Variants in COL4A3 observed in about 807,000 individuals in gnomAD.
The protein encoded by COL4A3 is collagen alpha-3(IV) chain.
Under a neutral mutation model 217.4 loss-of-function variants are expected in COL4A3, and 135 were observed. The observed-to-expected ratio is 0.62, with a 90% CI of 0.54 to 0.72. The LOEUF (loss-of-function observed/expected upper bound fraction) is 0.72, where lower values mean the gene tolerates loss of function less well. Ranked by LOEUF, COL4A3 falls within the 30% of genes least tolerant of loss-of-function variation. The pLI is 0.00. For synonymous variants in COL4A3, 690 were observed against 736.3 expected (o/e 0.94, Z 1.02); for missense variants, 1,868 against 2,119.9 (o/e 0.88, Z 2.33).
Position 227,257,639 on chromosome 2 carries a change from G to C in COL4A3, c.1024G>C (p.Gly342Arg). The C allele has an allele frequency of 6.2e-7, 1 of 1,613,556 alleles. No individual in the cohort carries two copies. Among genetic ancestry groups the C allele is most frequent in the Non-Finnish European group, 8.5e-7 (1 of 1,179,526 alleles). ...KGDIGPPGFRGPTEYYDTYQE... is the reference protein window; with the variant it reads ...KGDIGPPGFRRPTEYYDTYQE... ...GGACATTGGCCCTCCAGGATTTCGT[G>C]GTCCAGTAAGTGTGATTAAAGACAA... Residue 342 changes from glycine to arginine, a missense_variant, in exon 18 of 52, where the codon GGT (glycine) becomes CGT (arginine). This residue lies in a region of COL4A3 where 1,503 missense variants were observed against 1,786.1 expected (regional missense o/e 0.84). Coordinates refer to ENST00000396578, the MANE Select transcript of COL4A3 (RefSeq NM_000091.5).
At chr2:227,192,235 CT>C (rs146563477) in intron 1 of COL4A3, among the ~76,000 whole-genome samples, 7,172 of 152,226 alleles carry the variant, frequency 0.047, 222 homozygotes, top group South Asian at 0.12. Flanking sequence ...TCTTGAACAG[CT>C]TGTCTAAACC....
At chr2:227,241,072 T>G (rs2068991041) in intron 3 of COL4A3, among the ~76,000 whole-genome samples, 1 of 152,212 alleles carries the variant, frequency 6.6e-6, no homozygotes, top group Non-Finnish European at 1.5e-5. Context: ...TCTGGTCCCT[T>G]AAACATCCCG....
chr2:227,301,213 G>T (rs1443189176), intron 43 of COL4A3, among the ~76,000 whole-genome samples: 1 of 152,150 alleles, frequency 6.6e-6, no homozygotes, highest in Non-Finnish European at 1.5e-5. Flanking sequence ...ATCTATCCTT[G>T]TTGCTCTATG....
At chr2:227,165,972 C>T (rs919038951) in intron 1 of COL4A3, among the ~76,000 whole-genome samples, 2 of 152,170 alleles carry the variant, frequency 1.3e-5, no homozygotes, top group Admixed American at 6.5e-5. Flanking sequence ...TACACACACA[C>T]ATATGAACCC....
chr2:227,227,197 T>A (rs72977846), intron 1 of COL4A3, among the ~76,000 whole-genome samples: 35,287 of 152,172 alleles, frequency 0.23, 4,599 homozygotes, highest in Non-Finnish European at 0.3. Flanking sequence ...TGTTATGTTT[T>A]TCACTGGGAT....
intron 47 of COL4A3, among the ~76,000 whole-genome samples, chr2:227,307,358 T>C (rs1335366981): frequency 6.6e-6 from 1 of 152,344 alleles, no homozygotes; most frequent in African/African-American, 2.4e-5. Context: ...ATATTTGATT[T>C]TTCCCCCATC....
intron 48 of COL4A3, 104 bp from the exon 49 acceptor site, chr2:227,308,795 C>T: frequency 8.3e-7 from 1 of 1,207,078 alleles, no homozygotes; most frequent in Non-Finnish European, 1.2e-6. Context: ...TTGTCTTTGT[C>T]CAGCTTTTGC....
At position 227,312,465 on chromosome 2, in the gene COL4A3, A is replaced by T. The variant is rs56123646; in HGVS notation, c.*595A>T. On this transcript the variant is annotated 3_prime_UTR_variant, in exon 52 of 52. Transcript: ENST00000396578. ...CAAACATGCCCATTACTAACGGCAA[A>T]AGGGGGATTCCCTGATGGAACCATA... 0.096 allele frequency: 14,578 copies of T among 152,420 alleles called. 924 individuals are homozygous for T. Among genetic ancestry groups the T allele is most frequent in the Non-Finnish European group, 0.15 (9,953 of 68,180 alleles). The allele number at this position is 152,420 out of a possible 1,614,324, so 9.4% of individuals were successfully genotyped here. A position where few individuals can be genotyped will look rare whatever the true frequency, so the allele number is the denominator to read the frequency against.
In COL4A3 at chr2:227,191,854, C is replaced by A. The variant is rs2066256618; in HGVS notation, c.87+27041C>A. ...ACTTAGAATATTACAGATTCTCTTA[C>A]AAAACACAAAGACCTTGGAATAAAT... On this transcript the variant is annotated intron_variant, in intron 1 of 51. Coordinates refer to ENST00000396578, the MANE Select transcript of COL4A3 (RefSeq NM_000091.5). This position sits in a 1 kb window ranked among gnomAD's most constrained non-coding sequence, Gnocchi z 6.8. Among the ~76,000 whole-genome samples the A allele has an allele frequency of 6.6e-6, 1 of 152,092 alleles. No homozygotes were observed. Among genetic ancestry groups the A allele is most frequent in the African/African-American group, 2.4e-5 (1 of 41,414 alleles).
intron 18 of COL4A3, among the ~76,000 whole-genome samples, chr2:227,258,740 G>A (rs1365087306): frequency 6.6e-6 from 1 of 152,178 alleles, no homozygotes; most frequent in Non-Finnish European, 1.5e-5. Flanking sequence ...GAATTTTGGA[G>A]GGAGCACATT....
At chr2:227,214,844 C>T (rs1011604022) in intron 1 of COL4A3, among the ~76,000 whole-genome samples, 3 of 152,138 alleles carry the variant, frequency 2.0e-5, no homozygotes, top group Admixed American at 1.3e-4. Flanking sequence ...TCATAAACTC[C>T]TAGGGCTTGA....
intron 1 of COL4A3, among the ~76,000 whole-genome samples, chr2:227,223,595 T>C (rs2067929900): frequency 6.7e-6 from 1 of 149,958 alleles, no homozygotes; most frequent in Non-Finnish European, 1.5e-5. Context: ...AAAAGAAAAA[T>C]TAGCCGGGCA....
At chr2:227,294,708 A>T in intron 39 of COL4A3, 138 bp downstream of exon 39, 1 of 728,264 alleles carries the variant, frequency 1.4e-6, no homozygotes, top group Admixed American at 2.6e-5. Flanking sequence ...TGCAAAAAAA[A>T]TGGGGTTAGA....
chr2:227,166,891 T>G lies in COL4A3; in HGVS notation c.87+2078T>G, dbSNP rs112012194. Among the ~76,000 whole-genome samples, 88 of 152,312 alleles carry G rather than the reference T, an allele frequency of 5.8e-4. 1 individual carries two copies. Among genetic ancestry groups the G allele is most frequent in the African/African-American group, 2.1e-3 (87 of 41,582 alleles). On this transcript the variant is annotated intron_variant, in intron 1 of 51. Coordinates refer to ENST00000396578, the MANE Select transcript of COL4A3 (RefSeq NM_000091.5). The stretch of plus-strand genomic sequence containing the variant: ...CTGTTGACCACTCTGAGCCTCAGTT[T>G]TCTCATGTGTAAAATGAGAGTTGAA...
intron 1 of COL4A3, chr2:227,228,472 T>A (rs2068219865): frequency 6.6e-6 from 1 of 152,172 alleles, no homozygotes; most frequent in Non-Finnish European, 1.5e-5. Flanking sequence ...TAATGCAAAA[T>A]CAACAGACCT....
At chr2:227,277,642 T>C (rs2071664865) in intron 28 of COL4A3, 89 bp downstream of exon 28, 2 of 756,798 alleles carry the variant, frequency 2.6e-6, no homozygotes, top group East Asian at 2.7e-5. Flanking sequence ...AAATACAATA[T>C]GAAGATATAA....
intron 47 of COL4A3, among the ~76,000 whole-genome samples, chr2:227,305,895 C>T (rs1438778705): frequency 6.6e-6 from 1 of 152,094 alleles, no homozygotes; most frequent in Non-Finnish European, 1.5e-5. Flanking sequence ...AGAAAAAATT[C>T]TAAATGTGCT....
intron 1 of COL4A3, among the ~76,000 whole-genome samples, chr2:227,201,568 T>G (rs925762862): frequency 3.9e-5 from 6 of 152,178 alleles, no homozygotes; most frequent in Admixed American, 1.3e-4. Context: ...TGACCTTATT[T>G]CAATAGACTG....
chr2:227,245,923 C>T (rs768591853), intron 5 of COL4A3, 31 bp from the exon 6 acceptor site: 2 of 1,580,424 alleles, frequency 1.3e-6, no homozygotes, highest in Middle Eastern at 1.7e-4. Flanking sequence ...CTTGGGATGA[C>T]CCTCCTCATT....
Sources: allele counts gnomAD v4.1 joint callset (sites outside exome capture counted in the v4.1 genomes callset), GRCh38; gene constraint gnomAD v4.1.1; regional missense constraint gnomAD v4.1.1; non-coding constraint Gnocchi (gnomAD v3.1); transcripts MANE v1.5; gene names NCBI Gene and HGNC (gene_info 2026-07-23, HGNC 2026-07-21).